The following DOCK4 variants were observed in gnomAD, a reference collection of about 807,000 sequenced individuals.
DOCK4 encodes the protein dedicator of cytokinesis 4.
A neutral mutation model predicts 268.1 loss-of-function variants in DOCK4; 97 were observed. That is an observed-to-expected ratio of 0.36 (90% CI 0.31 to 0.43). DOCK4 has a LOEUF of 0.43. Among genes scored for constraint, DOCK4 ranks in the 20% least tolerant of loss-of-function variants. DOCK4 has a pLI of 1.00. For synonymous variants in DOCK4, 954 were observed against 887.2 expected (o/e 1.08, Z -1.34); for missense variants, 2,145 against 2,455.7 (o/e 0.87, Z 2.67).
At chr7:111,991,404 T>C (rs1312196917) in intron 5 of DOCK4, among the ~76,000 whole-genome samples, 1 of 152,158 alleles carries the variant, frequency 6.6e-6, no homozygotes, top group Non-Finnish European at 1.5e-5. Context: ...TTCAGATATA[T>C]GAAAAATGCT....
At chr7:112,150,263 T>A (rs1045755130) in intron 1 of DOCK4, among the ~76,000 whole-genome samples, 2 of 152,102 alleles carry the variant, frequency 1.3e-5, no homozygotes, top group Non-Finnish European at 2.9e-5. Context: ...CACTGGTAAA[T>A]GTATACTGTC....
At position 111,767,191 on chromosome 7, in the gene DOCK4, T is replaced by C. The variant is rs376485122; in HGVS notation, c.3829-73A>G. ...TTACTTCTACCCAAAAGTCAGAACA[T>C]GAGTGCTTTCAGAGCACCAAGCCTT... On this transcript the variant is annotated intron_variant, in intron 37 of 52. Transcript: ENST00000428084. 3.2e-5 allele frequency: 41 copies of C among 1,273,656 alleles called. No individual in the cohort carries two copies. The East Asian group carries it at 4.0e-4, about 12-fold the overall frequency. The allele number at this position is 1,273,656 out of a possible 1,614,324, so 78.9% of individuals were successfully genotyped here. A position where few individuals can be genotyped will look rare whatever the true frequency, so the allele number is the denominator to read the frequency against.
chr7:112,139,549 T>C (rs188930901), intron 1 of DOCK4, among the ~76,000 whole-genome samples: 3 of 152,318 alleles, frequency 2.0e-5, no homozygotes, highest in African/African-American at 7.2e-5. Flanking sequence ...GGATTTCATT[T>C]TAGCTAATCT....
chr7:111,867,552 T>C (rs976155416), intron 22 of DOCK4, among the ~76,000 whole-genome samples: 4 of 152,058 alleles, frequency 2.6e-5, no homozygotes, highest in Admixed American at 2.0e-4. Flanking sequence ...TAGGGTCAAG[T>C]TCAATAAAAC....
At chr7:112,199,964 G>A (rs956214561) in intron 1 of DOCK4, among the ~76,000 whole-genome samples, 1 of 152,170 alleles carries the variant, frequency 6.6e-6, no homozygotes, top group Middle Eastern at 3.2e-3. Context: ...GACAGACTTT[G>A]ACTTAGACTG....
intron 23 of DOCK4, among the ~76,000 whole-genome samples, chr7:111,862,029 G>A (rs997914880): frequency 5.9e-5 from 9 of 152,070 alleles, no homozygotes; most frequent in African/African-American, 2.2e-4. Context: ...GGCCGGGTGC[G>A]GTGACTCATG....
chr7:111,976,314 T>C (rs1482409344), intron 8 of DOCK4, among the ~76,000 whole-genome samples: 1 of 82,888 alleles, frequency 1.2e-5, no homozygotes, highest in African/African-American at 4.2e-5. Context: ...TATATATATA[T>C]ATATGAGACT....
intron 13 of DOCK4, among the ~76,000 whole-genome samples, chr7:111,908,624 T>C (rs887175026): frequency 9.2e-5 from 14 of 152,126 alleles, no homozygotes; most frequent in Non-Finnish European, 1.5e-4. Flanking sequence ...GGTGGTTTGC[T>C]ATGCCTATCA....
chr7:112,150,894 T>G (rs1268571387), intron 1 of DOCK4, among the ~76,000 whole-genome samples: 1 of 152,184 alleles, frequency 6.6e-6, no homozygotes, highest in Non-Finnish European at 1.5e-5. Flanking sequence ...TACAAGATAC[T>G]ACTTGGCCCC....
At chr7:112,097,926 T>G (rs1158611673) in intron 1 of DOCK4, among the ~76,000 whole-genome samples, 1 of 152,218 alleles carries the variant, frequency 6.6e-6, no homozygotes, top group African/African-American at 2.4e-5. Context: ...ATCAACAATC[T>G]GTTATATAAC....
intron 1 of DOCK4, among the ~76,000 whole-genome samples, chr7:112,099,521 T>TA (rs984922884): frequency 1.6e-4 from 25 of 152,180 alleles, no homozygotes; most frequent in African/African-American, 5.8e-4. Context: ...TACTTCACTG[T>TA]AAGTCCCATG....
chr7:111,882,330 T>C (rs1234827906), intron 16 of DOCK4, among the ~76,000 whole-genome samples: 2 of 152,200 alleles, frequency 1.3e-5, no homozygotes, highest in African/African-American at 4.8e-5. Flanking sequence ...TAACATCACC[T>C]GGGTAATGAG....
chr7:111,931,235 C>T (rs912177969), intron 12 of DOCK4, among the ~76,000 whole-genome samples: 1 of 152,126 alleles, frequency 6.6e-6, no homozygotes, highest in Admixed American at 6.6e-5. Context: ...GGGAATGGAT[C>T]CTGCCAGAGG....
At chr7:111,901,863 C>T in intron 13 of DOCK4, 62 bp from the exon 14 acceptor site, 2 of 1,302,360 alleles carry the variant, frequency 1.5e-6, no homozygotes, top group South Asian at 1.3e-5. Context: ...ATAAAGTGCT[C>T]TATCAAGAAA....
intron 15 of DOCK4, among the ~76,000 whole-genome samples, chr7:111,897,097 A>T (rs1197237882): frequency 6.6e-6 from 1 of 151,944 alleles, no homozygotes; most frequent in Non-Finnish European, 1.5e-5. Flanking sequence ...TTATAGCAAA[A>T]CTTCTCAAAA....
intron 1 of DOCK4, among the ~76,000 whole-genome samples, chr7:112,199,442 CT>C (rs1820733353): frequency 6.6e-6 from 1 of 152,118 alleles, no homozygotes; most frequent in Non-Finnish European, 1.5e-5. Context: ...AGGCATTCCA[CT>C]TTTTTGATGA....
chr7:111,831,657 A>G (rs1357328144), intron 26 of DOCK4, among the ~76,000 whole-genome samples: 1 of 151,764 alleles, frequency 6.6e-6, no homozygotes, highest in Non-Finnish European at 1.5e-5. Context: ...GCTAGTTTTT[A>G]CAAACTTTTT....
At chr7:112,052,412 T>C (rs186680466) in intron 1 of DOCK4, among the ~76,000 whole-genome samples, 60 of 152,316 alleles carry the variant, frequency 3.9e-4, no homozygotes, top group African/African-American at 1.3e-3. Flanking sequence ...TTGCATTTGG[T>C]AGAATTTTGG....
chr7:112,127,266 T>C (rs934978963), intron 1 of DOCK4, among the ~76,000 whole-genome samples: 69 of 151,956 alleles, frequency 4.5e-4, no homozygotes, highest in African/African-American at 1.7e-3. Context: ...TGTAGGGACA[T>C]GGATGAAACT....
Sources: allele counts gnomAD v4.1 joint callset (sites outside exome capture counted in the v4.1 genomes callset), GRCh38; gene constraint gnomAD v4.1.1; transcripts MANE v1.5; gene names NCBI Gene and HGNC (gene_info 2026-07-23, HGNC 2026-07-21).